LRRTM3: variants seen among roughly 807,000 people sequenced by gnomAD.
LRRTM3 encodes leucine-rich repeat transmembrane neuronal protein 3.
Under a neutral mutation model 44.7 loss-of-function variants are expected in LRRTM3, and 24 were observed. That is an observed-to-expected ratio of 0.54 (90% CI 0.39 to 0.76). The LOEUF (loss-of-function observed/expected upper bound fraction) is 0.76, where lower values mean the gene tolerates loss of function less well. Ranked by LOEUF, LRRTM3 falls within the 30% of genes least tolerant of loss-of-function variation. LRRTM3 has a pLI of 0.00. For synonymous variants in LRRTM3, 277 were observed against 278.7 expected, an observed-to-expected ratio of 0.99 and a Z score of 0.06; for missense variants, 587 against 702.2, an observed-to-expected ratio of 0.84 and a Z score of 1.85.
At chr10:67,028,592 A>T (rs1589627915) in intron 2 of LRRTM3, among the ~76,000 whole-genome samples, 1 of 151,672 alleles carries the variant, frequency 6.6e-6, no homozygotes, top group East Asian at 2.0e-4. Flanking sequence ...TGCAATGAGA[A>T]TTTTCCAGGC....
At chr10:67,083,904 TA>T (rs1311248736) in intron 2 of LRRTM3, among the ~76,000 whole-genome samples, 1 of 152,004 alleles carries the variant, frequency 6.6e-6, no homozygotes, top group Non-Finnish European at 1.5e-5. Context: ...ATGAAAAGAA[TA>T]AAAATAAAGA....
At chr10:67,003,886 C>T (rs754424741) in intron 2 of LRRTM3, among the ~76,000 whole-genome samples, 1 of 152,100 alleles carries the variant, frequency 6.6e-6, no homozygotes, top group Admixed American at 6.6e-5. Context: ...CAGCATAAAA[C>T]GGAAGAGAAT....
intron 2 of LRRTM3, among the ~76,000 whole-genome samples, chr10:66,999,747 T>C (rs188136125): frequency 4.6e-5 from 7 of 152,324 alleles, no homozygotes; most frequent in African/African-American, 1.4e-4. Context: ...GCAATTTTAC[T>C]GTATTTTATC....
intron 2 of LRRTM3, among the ~76,000 whole-genome samples, chr10:67,039,147 C>CTTA (rs924713180): frequency 1.3e-5 from 2 of 151,980 alleles, no homozygotes; most frequent in Non-Finnish European, 2.9e-5. Flanking sequence ...TACTATGAAA[C>CTTA]CATAAGCTAT....
At chr10:66,986,890 G>A (rs1358507024) in intron 2 of LRRTM3, among the ~76,000 whole-genome samples, 1 of 152,116 alleles carries the variant, frequency 6.6e-6, no homozygotes, top group East Asian at 1.9e-4. Context: ...GAATACAGAA[G>A]TGCACCAAAT....
intron 2 of LRRTM3, among the ~76,000 whole-genome samples, chr10:66,981,688 G>A (rs1337373602): frequency 6.6e-6 from 1 of 152,212 alleles, no homozygotes; most frequent in East Asian, 1.9e-4. Flanking sequence ...TATTATGCAA[G>A]ACATCAAATG....
intron 2 of LRRTM3, among the ~76,000 whole-genome samples, chr10:67,042,446 A>G (rs568169105): frequency 2.6e-5 from 4 of 152,186 alleles, no homozygotes; most frequent in Non-Finnish European, 5.9e-5. Context: ...TGAGTTTTCC[A>G]TGTCTTCTAA....
intron 2 of LRRTM3, among the ~76,000 whole-genome samples, chr10:67,049,883 T>C (rs893057021): frequency 6.6e-6 from 1 of 152,214 alleles, no homozygotes; most frequent in Non-Finnish European, 1.5e-5. Context: ...TAGCCTATGT[T>C]ATTCTAAGCA....
intron 2 of LRRTM3, among the ~76,000 whole-genome samples, chr10:67,015,033 G>A (rs59196649): frequency 0.016 from 2,465 of 151,986 alleles, 85 homozygotes; most frequent in African/African-American, 0.055. Flanking sequence ...TTTCTACAAG[G>A]GCACTCCAAA....
At chr10:66,951,424 T>A (rs1410179929) in intron 2 of LRRTM3, among the ~76,000 whole-genome samples, 1 of 152,162 alleles carries the variant, frequency 6.6e-6, no homozygotes, top group African/African-American at 2.4e-5. Flanking sequence ...CCCAACACCA[T>A]ATCTTTTAAA....
chr10:67,080,379 A>G (rs1856985805), intron 2 of LRRTM3, among the ~76,000 whole-genome samples: 2 of 152,220 alleles, frequency 1.3e-5, no homozygotes, highest in Admixed American at 1.3e-4. Flanking sequence ...GGACACAATT[A>G]GGGAAGTCAG....
intron 2 of LRRTM3, among the ~76,000 whole-genome samples, chr10:67,083,342 C>T (rs1319756008): frequency 6.6e-6 from 1 of 151,778 alleles, no homozygotes; most frequent in Non-Finnish European, 1.5e-5. Flanking sequence ...GAAACAGTTC[C>T]AATCAGTTAT....
Position 66,940,835 on chromosome 10 carries a change from G to A in LRRTM3, c.1536+12383G>A, listed in dbSNP as rs1847956666. Among the ~76,000 whole-genome samples the A allele has an allele frequency of 3.3e-5, 5 of 152,106 alleles. No homozygotes were observed. The South Asian group carries it at 1.0e-3, about 32-fold the overall frequency. On this transcript the variant is annotated intron_variant, in intron 2 of 2. Coordinates refer to ENST00000361320, the MANE Select transcript of LRRTM3 (RefSeq NM_178011.5). ...CAGTTTGTATTTCAACTGTACCCAA[G>A]TGCAGATGCCATCTCTGGTAATATG...
At chr10:67,002,964 T>C (rs970211657) in intron 2 of LRRTM3, among the ~76,000 whole-genome samples, 4 of 152,196 alleles carry the variant, frequency 2.6e-5, no homozygotes, top group African/African-American at 7.2e-5. Context: ...GTAAGACTTG[T>C]GGCTGCCGAA....
chr10:67,072,744 T>C (rs1450723009), intron 2 of LRRTM3, among the ~76,000 whole-genome samples: 1 of 152,222 alleles, frequency 6.6e-6, no homozygotes, highest in African/African-American at 2.4e-5. Context: ...CTCATTTCTT[T>C]ATCTTAGGGC....
rs867047729 is a variant in LRRTM3 at position 66,927,490 on chromosome 10, C to T, written c.574C>T (p.Arg192Trp). 1 of 1,613,974 alleles carries T rather than the reference C, an allele frequency of 6.2e-7. No homozygotes were observed. The change falls in exon 2 of 3, where the codon CGG becomes TGG. Residue 192 changes from arginine (R) to tryptophan (W), a missense_variant. Coordinates refer to ENST00000361320, the MANE Select transcript of LRRTM3 (RefSeq NM_178011.5). The surrounding 1 kb of genome is among the most constrained non-coding windows in gnomAD (Gnocchi z 4.7). ...NLELLDLGYNRIRSLARNVFA... is the reference protein window; with the variant it reads ...NLELLDLGYNWIRSLARNVFA... ...GGAACTTTTGGACCTGGGATATAAC[C>T]GGATCCGAAGTTTAGCCAGGAATGT...
intron 2 of LRRTM3, among the ~76,000 whole-genome samples, chr10:66,999,910 C>T (rs1195409920): frequency 1.3e-5 from 2 of 152,250 alleles, no homozygotes; most frequent in East Asian, 3.9e-4. Flanking sequence ...TGAAGGTCAT[C>T]TGATTTGTTG....
chr10:66,942,295 G>C (rs1848038072), intron 2 of LRRTM3, among the ~76,000 whole-genome samples: 1 of 152,072 alleles, frequency 6.6e-6, no homozygotes, highest in Non-Finnish European at 1.5e-5. Flanking sequence ...TGTCCTTGAC[G>C]CTTACCAATC....
intron 2 of LRRTM3, among the ~76,000 whole-genome samples, chr10:67,006,614 T>C (rs932444351): frequency 2.0e-5 from 3 of 151,698 alleles, no homozygotes; most frequent in Non-Finnish European, 4.4e-5. Flanking sequence ...TTATGTATTA[T>C]AAAGTTTACA....
Sources: allele counts gnomAD v4.1 joint callset (sites outside exome capture counted in the v4.1 genomes callset), GRCh38; gene constraint gnomAD v4.1.1; non-coding constraint Gnocchi (gnomAD v3.1); transcripts MANE v1.5; gene names NCBI Gene and HGNC (gene_info 2026-07-23, HGNC 2026-07-21).